LRP1B: variants seen among roughly 807,000 people sequenced by gnomAD.
The protein encoded by LRP1B is LDL receptor related protein 1B.
In LRP1B, 217 loss-of-function variants were observed where a neutral mutation model predicts 556.6. That is an observed-to-expected ratio of 0.39 (90% confidence interval 0.35 to 0.44). The LOEUF is 0.44. Among genes scored for constraint, LRP1B ranks in the 20% least tolerant of loss-of-function variants. The pLI is 1.00. For synonymous variants in LRP1B, 2,047 were observed against 1,865.8 expected, an observed-to-expected ratio of 1.10 and a Z score of -2.50; for missense variants, 5,053 against 5,620.8, an observed-to-expected ratio of 0.90 and a Z score of 3.23.
chr2:140,367,504 C>T (rs968250558), intron 71 of LRP1B, among the ~76,000 whole-genome samples: 3 of 151,676 alleles, frequency 2.0e-5, no homozygotes, highest in African/African-American at 7.3e-5. Flanking sequence ...TTGGGATACT[C>T]CTTTCTCTCA....
chr2:140,284,293 T>G (rs1683032319), intron 84 of LRP1B, among the ~76,000 whole-genome samples: 1 of 105,152 alleles, frequency 9.5e-6, no homozygotes, highest in African/African-American at 3.6e-5. Flanking sequence ...ATACATGGCT[T>G]CCCCCCCTCC....
intron 1 of LRP1B, among the ~76,000 whole-genome samples, chr2:141,872,460 C>G (rs10439186): frequency 6.6e-6 from 1 of 151,562 alleles, no homozygotes; most frequent in Admixed American, 6.6e-5. Context: ...GAGCAAAAAG[C>G]ATATGAAAGA....
chr2:140,381,285 G>C (rs1332130774), intron 67 of LRP1B, among the ~76,000 whole-genome samples: 1 of 152,042 alleles, frequency 6.6e-6, no homozygotes, highest in Non-Finnish European at 1.5e-5. Context: ...TCTTGTGAAA[G>C]AGAACAATAA....
chr2:141,019,587 C>A (rs1394055434), intron 12 of LRP1B, among the ~76,000 whole-genome samples: 1 of 151,742 alleles, frequency 6.6e-6, no homozygotes, highest in South Asian at 2.1e-4. Flanking sequence ...TTTCAATAGC[C>A]TTTAAAATAT....
chr2:140,843,104 T>TG (rs1206365267), intron 29 of LRP1B, among the ~76,000 whole-genome samples: 1 of 86,884 alleles, frequency 1.2e-5, no homozygotes, highest in African/African-American at 3.8e-5. Flanking sequence ...TTTTTTGTTT[T>TG]TTTTTTGGTG....
rs1215205916 is a variant in LRP1B at position 141,515,423 on chromosome 2, A to T, written c.206-34890T>A. Reference sequence around the variant, plus strand: ...AGTTTACATCCACTCTCCATAGAAAAATATCAAGACCAAATTAGAAAGCAA... The same window carrying T: ...AGTTTACATCCACTCTCCATAGAAATATATCAAGACCAAATTAGAAAGCAA... On this transcript the variant is annotated intron_variant, in intron 2 of 90. Coordinates refer to ENST00000389484, the MANE Select transcript of LRP1B (RefSeq NM_018557.3). 4.6e-5 allele frequency among the ~76,000 whole-genome samples: 7 copies of T among 152,334 alleles called. No homozygotes were observed. In the East Asian group the frequency reaches 1.4e-3, roughly 29 times the overall value.
At chr2:141,645,842 C>T (rs1457717257) in intron 2 of LRP1B, among the ~76,000 whole-genome samples, 1 of 152,004 alleles carries the variant, frequency 6.6e-6, no homozygotes, top group Non-Finnish European at 1.5e-5. Context: ...CAGGCACACA[C>T]ATCCATATAA....
intron 1 of LRP1B, among the ~76,000 whole-genome samples, chr2:141,913,092 A>G (rs1196181849): frequency 3.9e-5 from 6 of 152,214 alleles, no homozygotes; most frequent in African/African-American, 1.2e-4. Flanking sequence ...CCTCTAGGGT[A>G]TAAACTTTCA....
intron 1 of LRP1B, among the ~76,000 whole-genome samples, chr2:142,092,602 G>C (rs1225904997): frequency 6.6e-5 from 10 of 151,886 alleles, no homozygotes; most frequent in Admixed American, 6.6e-4. Context: ...TGATCCATTT[G>C]AGAGTTGGGG....
Position 141,015,915 on chromosome 2 carries a change from A to G in LRP1B, c.1971T>C (p.Gly657=). The G allele has an allele frequency of 6.2e-7, 1 of 1,611,256 alleles. No homozygotes were observed. The highest frequency in any genetic ancestry group is 8.5e-7 in the Non-Finnish European group (1 of 1,177,854). The change falls in exon 13 of 91, where the codon GGT becomes GGC. Residue 657 remains glycine, a splice_region_variant and synonymous_variant. Coordinates refer to ENST00000389484, the MANE Select transcript of LRP1B (RefSeq NM_018557.3). ...CCTCCCAGTCTGTCCAATACATCCA[A>G]CTAAGACATTAAAAAAACAACAAAA... ...PRGIVVDPVN[G]WMYWTDWEED...
chr2:141,014,030 G>T (rs868617666), intron 13 of LRP1B, among the ~76,000 whole-genome samples: 1 of 151,804 alleles, frequency 6.6e-6, no homozygotes, highest in South Asian at 2.1e-4. Flanking sequence ...CGAAAAATAC[G>T]GTTAAGAATG....
rs1687833652 is a variant in LRP1B, at chr2:140,473,040, A to G, written c.9625+2098T>C. 1.3e-5 allele frequency among the ~76,000 whole-genome samples: 2 copies of G among 152,110 alleles called. 1 individual carries two copies. The highest frequency in any genetic ancestry group is 2.9e-5 in the Non-Finnish European group (2 of 67,960). On this transcript the variant is annotated intron_variant, in intron 60 of 90. Coordinates refer to ENST00000389484, the MANE Select transcript of LRP1B (RefSeq NM_018557.3). ...TTCCACCTGCAAATAAACAACTAGG[A>G]AACCATAGCATCCTTTGTCTTTATG... is the stretch of plus-strand genomic sequence containing the variant.
intron 2 of LRP1B, among the ~76,000 whole-genome samples, chr2:141,640,676 C>A (rs1443035156): frequency 6.6e-6 from 1 of 152,122 alleles, no homozygotes; most frequent in Non-Finnish European, 1.5e-5. Flanking sequence ...GGCCTGTAAT[C>A]CCAGATACTC....
chr2:140,444,502 CA>C, intron 64 of LRP1B, 53 bp from the exon 65 acceptor site: 1 of 1,612,438 alleles, frequency 6.2e-7, no homozygotes, highest in East Asian at 2.2e-5. Flanking sequence ...ATTAAAATCA[CA>C]CAGACATAAT....
chr2:140,396,719 G>T (rs932444354), intron 66 of LRP1B, among the ~76,000 whole-genome samples: 2 of 152,156 alleles, frequency 1.3e-5, no homozygotes, highest in Non-Finnish European at 2.9e-5. Context: ...GATGTGAATT[G>T]TACTGTCAAC....
intron 1 of LRP1B, among the ~76,000 whole-genome samples, chr2:141,815,962 G>C (rs990933534): frequency 6.6e-6 from 1 of 152,152 alleles, no homozygotes; most frequent in African/African-American, 2.4e-5. Context: ...TTGCTGTAGC[G>C]TTAGGAAAGG....
chr2:140,788,491 T>C (rs963654939), intron 32 of LRP1B, among the ~76,000 whole-genome samples: 6 of 152,192 alleles, frequency 3.9e-5, no homozygotes, highest in African/African-American at 1.4e-4. Flanking sequence ...TAGTAATCAC[T>C]TGCAAAGTCT....
rs559988299 is a variant in LRP1B, at chr2:141,877,326, G to A, written c.83-66925C>T. Among the ~76,000 whole-genome samples, 23 of 152,090 alleles carry A rather than the reference G, an allele frequency of 1.5e-4. No individual in the cohort carries two copies. In the South Asian group the frequency reaches 3.3e-3, roughly 22 times the overall value. On this transcript the variant is annotated intron_variant, in intron 1 of 90. Transcript: ENST00000389484. ...CCTAGTCACTGGGTGCAATTGTTGG[G>A]AAGTAGCAGTCTAGCAAGGGATTTC...
At chr2:140,878,381 G>T (rs533184798) in intron 25 of LRP1B, among the ~76,000 whole-genome samples, 1 of 151,898 alleles carries the variant, frequency 6.6e-6, no homozygotes, top group South Asian at 2.1e-4. Context: ...ATATTAGCAC[G>T]AAATTATTTA....
Sources: gnomAD v4.1 joint callset for allele counts (sites outside exome capture counted in the v4.1 genomes callset) on GRCh38, gnomAD v4.1.1 for gene constraint, MANE v1.5 for transcripts, NCBI Gene and HGNC (gene_info 2026-07-23, HGNC 2026-07-21) for gene names.